Variants in PTPRG observed in about 807,000 individuals in gnomAD.
PTPRG encodes receptor-type tyrosine-protein phosphatase gamma.
PTPRG carries 102 observed loss-of-function variants against 165.3 expected under a neutral mutation model. The observed-to-expected ratio is 0.62, with a 90% confidence interval of 0.53 to 0.73. The LOEUF (loss-of-function observed/expected upper bound fraction) is 0.73, where lower values mean the gene tolerates loss of function less well. Ranked by LOEUF, PTPRG falls within the 30% of genes least tolerant of loss-of-function variation. The pLI, the probability that PTPRG is intolerant of heterozygous loss-of-function variation, is 0.00. For missense variants in PTPRG, 1,866 were observed against 1,861.4 expected, an observed-to-expected ratio of 1.00 and a Z score of -0.05; for synonymous variants, 675 against 669.5, an observed-to-expected ratio of 1.01 and a Z score of -0.13.
chr3:61,574,407 T>C (rs1229101797), intron 1 of PTPRG, among the ~76,000 whole-genome samples: 1 of 152,232 alleles, frequency 6.6e-6, no homozygotes, highest in Non-Finnish European at 1.5e-5. Context: ...AGCTAAGTTT[T>C]CTAGAACACA....
intron 2 of PTPRG, among the ~76,000 whole-genome samples, chr3:61,838,336 G>C (rs765075807): frequency 2.0e-5 from 3 of 152,170 alleles, no homozygotes; most frequent in Non-Finnish European, 4.4e-5. Flanking sequence ...TGGAGACTTA[G>C]GCCACCAAAA....
At chr3:61,867,208 C>G (rs1364676929) in intron 2 of PTPRG, among the ~76,000 whole-genome samples, 3 of 152,148 alleles carry the variant, frequency 2.0e-5, no homozygotes, top group Admixed American at 1.3e-4. Context: ...GCATCATACC[C>G]CCTGCCTCCC....
Position 62,058,169 on chromosome 3 carries a change from A to G in PTPRG, c.520-19994A>G, listed in dbSNP as rs529046560. Among the ~76,000 whole-genome samples, 9 of 152,342 alleles carry G rather than the reference A, an allele frequency of 5.9e-5. No homozygotes were observed. The South Asian group carries it at 1.5e-3, about 25-fold the overall frequency. On this transcript the variant is annotated intron_variant, in intron 4 of 29. Transcript: ENST00000474889. The stretch of plus-strand genomic sequence containing the variant: ...CGTTTCTCTGTACAATTCAGAAAGC[A>G]GGACGGAAAATTGTGTGTACCTAGC...
chr3:61,926,609 C>CTCCT (rs1190200426), intron 2 of PTPRG, among the ~76,000 whole-genome samples: 5,688 of 92,492 alleles, frequency 0.061, 181 homozygotes, highest in East Asian at 0.13. Flanking sequence ...CCCTCCCTCC[C>CTCCT]TCCTTCCTTC....
intron 4 of PTPRG, among the ~76,000 whole-genome samples, chr3:62,044,507 C>T (rs1700226194): frequency 6.6e-6 from 1 of 151,750 alleles, no homozygotes; most frequent in South Asian, 2.1e-4. Flanking sequence ...CCACTGCACT[C>T]CAGCCTGGGT....
chr3:62,181,404 G>A (rs1705643945), intron 8 of PTPRG, among the ~76,000 whole-genome samples: 1 of 151,290 alleles, frequency 6.6e-6, no homozygotes, highest in African/African-American at 2.4e-5. Flanking sequence ...CAGGGCCTTT[G>A]TACACACTTT....
At position 61,580,097 on chromosome 3, in the gene PTPRG, T is replaced by G. The variant is rs139548096; in HGVS notation, c.85+17725T>G. On this transcript the variant is annotated intron_variant, in intron 1 of 29. Coordinates refer to ENST00000474889, the MANE Select transcript of PTPRG (RefSeq NM_002841.4). ...ATGTGTTAACTGATGGTTTATGTTA[T>G]TAGTAAGGCTTGTGGTCAACAGTAG... 6.3e-3 allele frequency among the ~76,000 whole-genome samples: 961 copies of G among 152,282 alleles called. 7 individuals are homozygous for G. Among genetic ancestry groups the G allele is most frequent in the South Asian group, 0.033 (158 of 4,828 alleles).
intron 14 of PTPRG, among the ~76,000 whole-genome samples, chr3:62,236,399 G>C (rs892146875): frequency 2.6e-5 from 4 of 152,096 alleles, no homozygotes; most frequent in African/African-American, 4.8e-5. Flanking sequence ...CTTTCTATTT[G>C]TAAGTGGCTC....
At chr3:62,129,044 C>T (rs1048607425) in intron 5 of PTPRG, among the ~76,000 whole-genome samples, 1 of 152,126 alleles carries the variant, frequency 6.6e-6, no homozygotes, top group Admixed American at 6.6e-5. Context: ...CTTTTCTCCT[C>T]ATTCATCTTC....
At chr3:61,914,419 C>A (rs141683352) in intron 2 of PTPRG, among the ~76,000 whole-genome samples, 1 of 152,142 alleles carries the variant, frequency 6.6e-6, no homozygotes, top group Non-Finnish European at 1.5e-5. Context: ...AATGTGACTC[C>A]CGGCAATATT....
At chr3:61,955,741 T>A (rs2040012780) in intron 2 of PTPRG, among the ~76,000 whole-genome samples, 1 of 152,204 alleles carries the variant, frequency 6.6e-6, no homozygotes, top group South Asian at 2.1e-4. Flanking sequence ...ATTTATATTA[T>A]GTTTCAGTTC....
chr3:61,957,472 C>A (rs1230129333), intron 2 of PTPRG, among the ~76,000 whole-genome samples: 3 of 152,240 alleles, frequency 2.0e-5, no homozygotes, highest in Non-Finnish European at 2.9e-5. Flanking sequence ...ATGTACTCCA[C>A]AAATTTATTG....
At chr3:62,029,827 G>T (rs970390330) in intron 4 of PTPRG, among the ~76,000 whole-genome samples, 1 of 152,176 alleles carries the variant, frequency 6.6e-6, no homozygotes, top group African/African-American at 2.4e-5. Flanking sequence ...GATAAAATGT[G>T]AATTATGAAT....
At chr3:62,097,733 C>T (rs964509699) in intron 5 of PTPRG, among the ~76,000 whole-genome samples, 6 of 151,976 alleles carry the variant, frequency 3.9e-5, no homozygotes, top group Non-Finnish European at 7.4e-5. Context: ...TTCTTCAGTC[C>T]TCTTCTTCTT....
intron 7 of PTPRG, among the ~76,000 whole-genome samples, chr3:62,159,804 C>G (rs1269266367): frequency 1.3e-5 from 2 of 152,170 alleles, no homozygotes; most frequent in African/African-American, 4.8e-5. Context: ...CTTCATGTGT[C>G]CCTCTCTCTC....
At chr3:62,248,732 C>G (rs1161620057) in intron 15 of PTPRG, among the ~76,000 whole-genome samples, 3 of 152,150 alleles carry the variant, frequency 2.0e-5, no homozygotes, top group Non-Finnish European at 2.9e-5. Context: ...TGCATACTGT[C>G]AGACACAAAT....
At chr3:62,018,600 G>GAAA (rs2041608030) in intron 4 of PTPRG, among the ~76,000 whole-genome samples, 3 of 152,178 alleles carry the variant, frequency 2.0e-5, no homozygotes, top group Non-Finnish European at 4.4e-5. Context: ...TCTTCAAATG[G>GAAA]TAGTCTAAGG....
At chr3:62,286,710 C>T (rs1166588151) in intron 28 of PTPRG, among the ~76,000 whole-genome samples, 1 of 151,878 alleles carries the variant, frequency 6.6e-6, no homozygotes, top group Non-Finnish European at 1.5e-5. Context: ...TTTAATGGAG[C>T]CCTTAGAGGA....
chr3:62,043,406 A>G (rs141007483), intron 4 of PTPRG, among the ~76,000 whole-genome samples: 1,678 of 152,318 alleles, frequency 0.011, 26 homozygotes, highest in Middle Eastern at 0.027. Flanking sequence ...TAATGTGGTC[A>G]TGTTTATTTT....
Sources: allele counts gnomAD v4.1 joint callset (sites outside exome capture counted in the v4.1 genomes callset), GRCh38; gene constraint gnomAD v4.1.1; transcripts MANE v1.5; gene names NCBI Gene and HGNC (gene_info 2026-07-23, HGNC 2026-07-21).